The following NEK7 variants were observed in gnomAD, a reference collection of about 807,000 sequenced individuals.
NEK7 encodes serine/threonine-protein kinase Nek7.
Under a neutral mutation model 44.6 loss-of-function variants are expected in NEK7, and 18 were observed. The ratio of observed to expected loss-of-function variants is 0.40; its 90% confidence interval spans 0.28 to 0.60. The LOEUF is 0.60. Among genes scored for constraint, NEK7 ranks in the 20% least tolerant of loss-of-function variants. NEK7 has a pLI of 0.38. For missense variants in NEK7, 256 were observed against 366.5 expected, an observed-to-expected ratio of 0.70 and a Z score of 2.46; for synonymous variants, 130 against 121.1, an observed-to-expected ratio of 1.07 and a Z score of -0.48.
chr1:198,200,180 T>C (rs992564788), intron 1 of NEK7, among the ~76,000 whole-genome samples: 1 of 152,212 alleles, frequency 6.6e-6, no homozygotes, highest in Non-Finnish European at 1.5e-5. Flanking sequence ...TTTTCTTTTA[T>C]AGATTTCAGA....
chr1:198,319,405 T>C lies in NEK7; in HGVS notation c.799-7T>C, dbSNP rs1655471362. ...AATCAGGTTTTATTGTTTTTCTTTC[T>C]TCACAGCTCCGACAGTTAGTTAATA... is the stretch of plus-strand genomic sequence containing the variant. On this transcript the variant is annotated splice_polypyrimidine_tract_variant and splice_region_variant and intron_variant, in intron 9 of 9. Transcript: ENST00000367385. The C allele has an allele frequency of 6.2e-7, 1 of 1,601,376 alleles. No homozygotes were observed.
At chr1:198,214,587 A>G (rs866915054) in intron 1 of NEK7, among the ~76,000 whole-genome samples, 33 of 152,324 alleles carry the variant, frequency 2.2e-4, no homozygotes, top group African/African-American at 7.9e-4. Context: ...AGAATTACAG[A>G]GCTTGAAGCA....
chr1:198,164,900 C>G (rs541251665), intron 1 of NEK7, among the ~76,000 whole-genome samples: 1 of 152,314 alleles, frequency 6.6e-6, no homozygotes, highest in South Asian at 2.1e-4. Flanking sequence ...CAATTGGAGT[C>G]AATCCTCTCA....
intron 1 of NEK7, among the ~76,000 whole-genome samples, chr1:198,225,451 G>A (rs1666190222): frequency 1.3e-5 from 2 of 152,052 alleles, no homozygotes; most frequent in South Asian, 2.1e-4. Flanking sequence ...GTCTGTATTG[G>A]TGCAGTAGCC....
rs568526669 is a variant in NEK7 at position 198,313,800 on chromosome 1, A to G, written c.799-5612A>G. Among the ~76,000 whole-genome samples the G allele has an allele frequency of 2.9e-4, 44 of 151,264 alleles. No individual in the cohort carries two copies. In the East Asian group the frequency reaches 8.6e-3, roughly 30 times the overall value. Reference sequence around the variant, plus strand: ...CTTCTGGCTTGTAGAGTTTCTGCCTAGAGATCCGCTGTTAGTCTGATGGGC... The same window carrying G: ...CTTCTGGCTTGTAGAGTTTCTGCCTGGAGATCCGCTGTTAGTCTGATGGGC... On this transcript the variant is annotated intron_variant, in intron 9 of 9. Coordinates refer to ENST00000367385, the MANE Select transcript of NEK7 (RefSeq NM_133494.3).
chr1:198,281,170 T>C (rs16829976), intron 7 of NEK7, among the ~76,000 whole-genome samples: 30,111 of 151,840 alleles, frequency 0.2, 3,566 homozygotes, highest in African/African-American at 0.32. Flanking sequence ...ACAATATGTA[T>C]AAAATAGCAA....
chr1:198,161,706 T>G (rs183748413), intron 1 of NEK7, among the ~76,000 whole-genome samples: 1 of 152,272 alleles, frequency 6.6e-6, no homozygotes, highest in South Asian at 2.1e-4. Flanking sequence ...TTCACCATTC[T>G]TTGCTTCTGG....
At chr1:198,216,551 G>C (rs1665927079) in intron 1 of NEK7, among the ~76,000 whole-genome samples, 1 of 151,676 alleles carries the variant, frequency 6.6e-6, no homozygotes, top group Non-Finnish European at 1.5e-5. Flanking sequence ...CCAAACCCAA[G>C]CTAGCAGAGG....
intron 1 of NEK7, among the ~76,000 whole-genome samples, chr1:198,174,570 G>A (rs999642174): frequency 1.3e-5 from 2 of 152,202 alleles, no homozygotes; most frequent in Non-Finnish European, 2.9e-5. Flanking sequence ...CAGGTCCTAA[G>A]AATGCAGTCA....
chr1:198,256,504 T>C (rs1357512223), intron 3 of NEK7: 1 of 1,557,546 alleles, frequency 6.4e-7, no homozygotes, highest in Admixed American at 2.0e-5. Flanking sequence ...GTACCTTAAC[T>C]AATAAAACAA....
intron 9 of NEK7, among the ~76,000 whole-genome samples, chr1:198,301,455 C>G (rs747812730): frequency 2.6e-5 from 4 of 152,184 alleles, no homozygotes; most frequent in Non-Finnish European, 5.9e-5. Context: ...GAGGCTGAGG[C>G]GGGAGAATGG....
At chr1:198,264,611 T>C (rs1346420629) in intron 5 of NEK7, among the ~76,000 whole-genome samples, 2 of 69,270 alleles carry the variant, frequency 2.9e-5, no homozygotes, top group African/African-American at 7.4e-5. Flanking sequence ...GACCTGTTTC[T>C]TGGGGGGGAA....
chr1:198,308,977 C>T (rs190843312), intron 9 of NEK7, among the ~76,000 whole-genome samples: 1 of 152,230 alleles, frequency 6.6e-6, no homozygotes, highest in Admixed American at 6.5e-5. Context: ...CCAGTGAGCA[C>T]TTACTGTTCA....
Position 198,217,312 on chromosome 1 carries a change from G to A in NEK7, c.-28-15241G>A, listed in dbSNP as rs556809638. On this transcript the variant is annotated intron_variant, in intron 1 of 9. Coordinates refer to ENST00000367385, the MANE Select transcript of NEK7 (RefSeq NM_133494.3). ...CACGTGCAAGTCAATAAATGTGATT[G>A]ATCACATGAACAGAATTGAAAACAA... Among the ~76,000 whole-genome samples, 8 of 152,082 alleles carry A rather than the reference G, an allele frequency of 5.3e-5. No individual in the cohort carries two copies. In the East Asian group the frequency reaches 1.5e-3, roughly 29 times the overall value.
chr1:198,294,862 T>G (rs968374198), intron 8 of NEK7, among the ~76,000 whole-genome samples: 1 of 152,180 alleles, frequency 6.6e-6, no homozygotes, highest in African/African-American at 2.4e-5. Flanking sequence ...CTAGAATTTT[T>G]CTAAAGCTTT....
chr1:198,264,588 T>C (rs571900888), intron 5 of NEK7, among the ~76,000 whole-genome samples: 114 of 148,122 alleles, frequency 7.7e-4, no homozygotes, highest in African/African-American at 2.6e-3. Flanking sequence ...AGAAAGAGAC[T>C]CTAGAGCAGC....
At chr1:198,227,965 T>A (rs1306464546) in intron 1 of NEK7, among the ~76,000 whole-genome samples, 14 of 152,130 alleles carry the variant, frequency 9.2e-5, no homozygotes, top group Admixed American at 2.0e-4. Context: ...CTGAATGGTA[T>A]TGCCTAGGTT....
At chr1:198,297,814 C>T (rs571208166) in intron 9 of NEK7, among the ~76,000 whole-genome samples, 4 of 152,222 alleles carry the variant, frequency 2.6e-5, no homozygotes, top group Admixed American at 1.3e-4. Context: ...GGAAATGTTT[C>T]GAGGTTATCA....
At chr1:198,253,218 A>T in intron 3 of NEK7, 38 bp downstream of exon 3, 2 of 1,374,142 alleles carry the variant, frequency 1.5e-6, no homozygotes, top group Non-Finnish European at 2.0e-6. Flanking sequence ...ATGTAAAATT[A>T]TACTATGTGA....
Sources: gnomAD v4.1 joint callset for allele counts (sites outside exome capture counted in the v4.1 genomes callset) on GRCh38, gnomAD v4.1.1 for gene constraint, MANE v1.5 for transcripts, NCBI Gene and HGNC (gene_info 2026-07-23, HGNC 2026-07-21) for gene names.